The following ARMC12 variants were observed in gnomAD, a reference collection of about 807,000 sequenced individuals.
ARMC12 encodes the protein armadillo repeat-containing protein 12.
In ARMC12, 25 loss-of-function variants were observed where a neutral mutation model predicts 37.4. The observed-to-expected ratio is 0.67, with a 90% CI of 0.49 to 0.93. The LOEUF (loss-of-function observed/expected upper bound fraction) is 0.93, where lower values mean the gene tolerates loss of function less well. Among genes scored for constraint, ARMC12 ranks in the 40% least tolerant of loss-of-function variants. The pLI is 0.00. For synonymous variants in ARMC12, 167 were observed against 176.1 expected (o/e 0.95, Z 0.41); for missense variants, 384 against 426.6 (o/e 0.90, Z 0.88).
chr6:35,747,555 T>G, intron 4 of ARMC12, 21 bp from the exon 5 acceptor site: 1 of 1,613,994 alleles, frequency 6.2e-7, no homozygotes, highest in Non-Finnish European at 8.5e-7. Context: ...CTTCTCATGC[T>G]TTACTCTTTC....
At chr6:35,747,457 G>A (rs1397091390) in intron 4 of ARMC12, 23 bp downstream of exon 4, 1 of 1,614,038 alleles carries the variant, frequency 6.2e-7, no homozygotes, top group Non-Finnish European at 8.5e-7. Flanking sequence ...CATGGCCAAG[G>A]CCCTGCCTTG....
intron 1 of ARMC12, 150 bp from the exon 2 acceptor site, chr6:35,737,877 A>G: frequency 1.0e-6 from 1 of 1,005,016 alleles, no homozygotes; most frequent in East Asian, 2.4e-5. Flanking sequence ...ACATTCGTTC[A>G]ACTGTACATG....
In ARMC12 at chr6:35,737,195, C is replaced by A. The variant is rs1257777590; in HGVS notation, c.87C>A (p.Tyr29Ter). The A allele has an allele frequency of 9.9e-6, 16 of 1,614,166 alleles. No individual in the cohort carries two copies. Among genetic ancestry groups the A allele is most frequent in the African/African-American group, 1.3e-5 (1 of 74,964 alleles). Reference sequence around the variant, plus strand: ...TGGCCACAGGCGCCGGGGCGATCTACCTGCTCTACAAGGCCATCAAGGCTG... The same window carrying A: ...TGGCCACAGGCGCCGGGGCGATCTAACTGCTCTACAAGGCCATCAAGGCTG... ...VSLATGAGAI[Y>*]LLYKAIKAGI... Residue 29 changes from tyrosine (Y) to a stop codon, truncating the protein, a stop_gained, in exon 1 of 6, where the codon TAC becomes TAA. Coordinates refer to ENST00000373866, the MANE Select transcript of ARMC12 (RefSeq NM_001286574.2). LOFTEE classifies it high-confidence loss of function.
upstream of ARMC12, among the ~76,000 whole-genome samples, chr6:35,734,603 C>T (rs970563057): frequency 1.3e-5 from 2 of 152,028 alleles, no homozygotes; most frequent in African/African-American, 2.4e-5. Flanking sequence ...GTGTTCGAGA[C>T]CAGACTGGGC....
At chr6:35,738,552 A>T (rs201919484) in intron 3 of ARMC12, 34 bp downstream of exon 3, 373 of 1,612,532 alleles carry the variant, frequency 2.3e-4, no homozygotes, top group Non-Finnish European at 3.0e-4. Context: ...GGCATGCAGG[A>T]TGTCTATAGT....
chr6:35,736,857 G>C (rs773673791), upstream of ARMC12: 6 of 535,082 alleles, frequency 1.1e-5, no homozygotes, highest in Non-Finnish European at 2.0e-5. Context: ...TGATCTGCCT[G>C]CCTTGGCCTC....
At chr6:35,747,057 T>TAAAAAAAAAAAAAAAAAAAAAAAA (rs74403253) in intron 3 of ARMC12, among the ~76,000 whole-genome samples, 2 of 82,524 alleles carry the variant, frequency 2.4e-5, no homozygotes, top group African/African-American at 5.7e-5. Context: ...AAGAAGTCTG[T>TAAAAAAAAAAAAAAAAAAAAAAAA]AAAAAAAAAA....
intron 3 of ARMC12, among the ~76,000 whole-genome samples, chr6:35,743,592 C>T (rs1442640720): frequency 1.3e-5 from 2 of 152,138 alleles, no homozygotes; most frequent in African/African-American, 2.4e-5. Flanking sequence ...TGTGCCAACA[C>T]GCTGCTCTAA....
chr6:35,747,461 T>A (rs1232932129), intron 4 of ARMC12, 27 bp downstream of exon 4: 1 of 1,613,994 alleles, frequency 6.2e-7, no homozygotes, highest in Admixed American at 1.7e-5. Context: ...GCCAAGGCCC[T>A]GCCTTGCTGA....
intron 1 of ARMC12, 92 bp from the exon 2 acceptor site, chr6:35,737,935 C>T: frequency 6.3e-7 from 1 of 1,579,212 alleles, no homozygotes; most frequent in Non-Finnish European, 8.6e-7. Flanking sequence ...GCAAGGCAGC[C>T]TTGTCCCCAA....
At chr6:35,740,923 A>C (rs1581923934) in intron 3 of ARMC12, among the ~76,000 whole-genome samples, 1 of 129,640 alleles carries the variant, frequency 7.7e-6, no homozygotes, top group Non-Finnish European at 1.6e-5. Context: ...TTTTTGAGAC[A>C]GGGTCTCGTT....
Position 35,738,390 on chromosome 6 carries a change from G to C in ARMC12, c.316G>C (p.Ala106Pro), listed in dbSNP as rs1767060150. The change falls in exon 3 of 6, where the codon GCT (alanine) becomes CCT (proline). Residue 106 changes from alanine to proline, a missense_variant. Transcript: ENST00000373866. ...CVYLLEAEAS[A>P]CTTDDIVLLG... ...TCTCTCCCCAATACTCCAGGCCTCTGCTTGTACTACGGATGACATCGTGTT... is the reference window on the plus strand; with the variant it reads ...TCTCTCCCCAATACTCCAGGCCTCTCCTTGTACTACGGATGACATCGTGTT... The C allele has an allele frequency of 1.4e-5, 22 of 1,613,146 alleles. No individual in the cohort carries two copies. The East Asian group carries it at 4.9e-4, about 36-fold the overall frequency.
At chr6:35,747,698 G>C (rs763028965) in intron 5 of ARMC12, 51 bp downstream of exon 5, 5 of 1,567,408 alleles carry the variant, frequency 3.2e-6, no homozygotes, top group Non-Finnish European at 4.4e-6. Context: ...AGGTATAGGG[G>C]GAGGGAAGAA....
Position 35,748,725 on chromosome 6 carries a change from G to A in ARMC12, c.878G>A (p.Arg293Gln), listed in dbSNP as rs866817138. The change falls in exon 6 of 6, where the codon CGA (arginine) becomes CAA (glutamine). Residue 293 changes from arginine (R) to glutamine (Q), a missense_variant. Coordinates refer to ENST00000373866, the MANE Select transcript of ARMC12 (RefSeq NM_001286574.2). The part of the protein sequence containing the change: ...LFGEESRLAD[R>Q]LLALVIHPEE... ...GGGGAAGAGTCCCGACTGGCAGACCGACTACTTGCCCTGGTCATCCACCCT... is the reference window on the plus strand; with the variant it reads ...GGGGAAGAGTCCCGACTGGCAGACCAACTACTTGCCCTGGTCATCCACCCT... The A allele has an allele frequency of 1.2e-6, 2 of 1,614,148 alleles. No homozygotes were observed. The highest frequency in any genetic ancestry group is 1.7e-6 in the Non-Finnish European group (2 of 1,180,034).
At chr6:35,731,573 G>C in the ARMC12 span, among the ~76,000 whole-genome samples, 7 of 152,102 alleles carry the variant, frequency 4.6e-5, no homozygotes, top group African/African-American at 1.7e-4. Context: ...TCCGAACCTG[G>C]GGGGAGGATG....
chr6:35,738,296 G>GGA, intron 2 of ARMC12, 88 bp from the exon 3 acceptor site: 1 of 1,394,726 alleles, frequency 7.2e-7, no homozygotes, highest in Non-Finnish European at 9.6e-7. Flanking sequence ...TGGGGGGGGG[G>GGA]TGTGCGGAGG....
At chr6:35,741,751 G>T (rs1211251600) in intron 3 of ARMC12, among the ~76,000 whole-genome samples, 1 of 151,820 alleles carries the variant, frequency 6.6e-6, no homozygotes, top group African/African-American at 2.4e-5. Context: ...AAACTTTTTT[G>T]GGGAAAAAAT....
rs1453075694 is a variant in ARMC12, at chr6:35,737,057, C to A, written c.-52C>A. The A allele has an allele frequency of 5.6e-6, 9 of 1,603,092 alleles. No homozygotes were observed. The Admixed American group carries it at 8.4e-5, about 15-fold the overall frequency. On this transcript the variant is annotated 5_prime_UTR_variant, in exon 1 of 6. Coordinates refer to ENST00000373866, the MANE Select transcript of ARMC12 (RefSeq NM_001286574.2). ...AGAGTTCTGGTTCCGGAAGGCCCCC[C>A]ACAGGTGCCTTGGGCCTAGCTCTCA... is the stretch of plus-strand genomic sequence containing the variant.
upstream of ARMC12, among the ~76,000 whole-genome samples, chr6:35,732,328 G>A (rs1354956894): frequency 6.6e-6 from 1 of 152,216 alleles, no homozygotes. Context: ...AGGGAAGCTC[G>A]CACGTGTTGA....
Sources: allele counts gnomAD v4.1 joint callset (sites outside exome capture counted in the v4.1 genomes callset), GRCh38; gene constraint gnomAD v4.1.1; transcripts MANE v1.5; gene names NCBI Gene and HGNC (gene_info 2026-07-23, HGNC 2026-07-21).